Variants in DENND2B observed in about 807,000 individuals in gnomAD.
DENND2B encodes the protein DENN domain-containing protein 2B.
A neutral mutation model predicts 116.0 loss-of-function variants in DENND2B; 32 were observed. That is an observed-to-expected ratio of 0.28 (90% CI 0.21 to 0.37). The LOEUF is 0.37. Ranked by LOEUF, DENND2B falls within the 10% of genes least tolerant of loss-of-function variation. The probability of loss-of-function intolerance (pLI) is 1.00; values close to 1 mark genes in which losing one functional copy is unlikely to be tolerated. For synonymous variants in DENND2B, 588 were observed against 583.9 expected (o/e 1.01, Z -0.10); for missense variants, 1,276 against 1,477.7 (o/e 0.86, Z 2.24).
chr11:8,729,942 T>A lies in DENND2B; in HGVS notation c.1340+8A>T. 6.2e-7 allele frequency: 1 copy of A among 1,613,508 alleles called. No individual in the cohort carries two copies. Among genetic ancestry groups the A allele is most frequent in the Non-Finnish European group, 8.5e-7 (1 of 1,179,676 alleles). ...TCAGCTACAACACACCGGAGGGGCATGCATTACCTGCTCTGGGACTTGCGG... is the reference window on the plus strand; with the variant it reads ...TCAGCTACAACACACCGGAGGGGCAAGCATTACCTGCTCTGGGACTTGCGG... On this transcript the variant is annotated splice_region_variant and intron_variant, in intron 3 of 19. Coordinates refer to ENST00000313726, the MANE Select transcript of DENND2B (RefSeq NM_213618.2).
intron 1 of DENND2B, chr11:8,786,940 C>G (rs1393085891): frequency 6.6e-6 from 1 of 152,150 alleles, no homozygotes; most frequent in Non-Finnish European, 1.5e-5. Flanking sequence ...CCTCTCTTTA[C>G]CAGTTATCTA....
chr11:8,888,194 T>A (rs187388126), intron 1 of DENND2B, among the ~76,000 whole-genome samples: 1 of 152,198 alleles, frequency 6.6e-6, no homozygotes, highest in African/African-American at 2.4e-5. Flanking sequence ...CGGCTCTTAG[T>A]GTAGTGGACG....
intron 4 of DENND2B, among the ~76,000 whole-genome samples, chr11:8,821,430 T>A (rs376933749): frequency 2.0e-4 from 30 of 147,146 alleles, no homozygotes; most frequent in Middle Eastern, 7.0e-3. Context: ...CTACCAAAAA[T>A]AAAAAAAAAA....
At chr11:8,797,705 C>A (rs996992483) in intron 1 of DENND2B, among the ~76,000 whole-genome samples, 6 of 152,134 alleles carry the variant, frequency 3.9e-5, no homozygotes, top group African/African-American at 1.4e-4. Flanking sequence ...CCGCTTCAGC[C>A]TCCCAAAGTG....
At chr11:8,697,876 C>T in intron 16 of DENND2B, 1 of 552,702 alleles carries the variant, frequency 1.8e-6, no homozygotes, top group South Asian at 1.8e-5. Context: ...CGCCAGTAAT[C>T]CCAACACTTT....
intron 3 of DENND2B, among the ~76,000 whole-genome samples, chr11:8,840,925 T>C (rs2062601412): frequency 6.6e-6 from 1 of 152,226 alleles, no homozygotes; most frequent in South Asian, 2.1e-4. Context: ...TGCTTGTTGA[T>C]ACTGTTTTCA....
intron 4 of DENND2B, chr11:8,718,104 A>AC (rs1258754367): frequency 5.2e-4 from 31 of 59,620 alleles, no homozygotes; most frequent in Non-Finnish European, 6.8e-4. Flanking sequence ...CCACCCCCCC[A>AC]CCCCCCCCAA....
chr11:8,796,473 C>T (rs3862352), intron 1 of DENND2B, among the ~76,000 whole-genome samples: 45,213 of 152,060 alleles, frequency 0.3, 6,992 homozygotes, highest in Middle Eastern at 0.42. Context: ...AGGCAGGCAA[C>T]GGTTGCAGTG....
intron 6 of DENND2B, among the ~76,000 whole-genome samples, chr11:8,715,028 C>T (rs1008918189): frequency 6.6e-6 from 1 of 152,210 alleles, no homozygotes; most frequent in Non-Finnish European, 1.5e-5. Flanking sequence ...ATTGAACCAA[C>T]TGAGACAAAG....
chr11:8,757,229 C>T (rs1223912106), intron 1 of DENND2B: 1 of 379,930 alleles, frequency 2.6e-6, no homozygotes, highest in East Asian at 7.4e-5. Context: ...GCAATATGAC[C>T]TACCTCCCAT....
chr11:8,760,687 C>T (rs2054450775), intron 1 of DENND2B, among the ~76,000 whole-genome samples: 1 of 152,202 alleles, frequency 6.6e-6, no homozygotes, highest in South Asian at 2.1e-4. Flanking sequence ...CCATTCCCTA[C>T]AAAACAGTAA....
chr11:8,875,153 C>G (rs989819561), upstream of DENND2B, among the ~76,000 whole-genome samples: 20 of 151,904 alleles, frequency 1.3e-4, no homozygotes, highest in Admixed American at 7.9e-4. Context: ...GAAACCTCGT[C>G]TCTACTAAAG....
intron 3 of DENND2B, among the ~76,000 whole-genome samples, chr11:8,847,740 A>G (rs915858486): frequency 1.2e-4 from 18 of 152,196 alleles, no homozygotes; most frequent in Admixed American, 1.1e-3. Context: ...TAAGGTCCAT[A>G]CTAAATGAAC....
At chr11:8,715,504 C>G in intron 6 of DENND2B, 99 bp downstream of exon 6, 1 of 1,259,572 alleles carries the variant, frequency 7.9e-7, no homozygotes, top group Non-Finnish European at 1.1e-6. Flanking sequence ...AGGAAGCAGT[C>G]CAGATTAGGG....
intron 2 of DENND2B, among the ~76,000 whole-genome samples, chr11:8,859,158 G>A (rs942782658): frequency 5.9e-5 from 9 of 152,148 alleles, no homozygotes; most frequent in Non-Finnish European, 2.9e-5. Flanking sequence ...AAAATTTAGA[G>A]CTTGATGATG....
intron 2 of DENND2B, among the ~76,000 whole-genome samples, chr11:8,743,033 C>T (rs1338665503): frequency 6.6e-6 from 1 of 151,924 alleles, no homozygotes; most frequent in Non-Finnish European, 1.5e-5. Context: ...CATTGCGCTC[C>T]AGCCTGGGCA....
chr11:8,774,084 G>A lies in DENND2B; in HGVS notation c.-25-23359C>T. The A allele has an allele frequency of 9.2e-6, 9 of 982,950 alleles. No individual in the cohort carries two copies. The South Asian group carries it at 1.9e-4, about 21-fold the overall frequency. 60.9% of individuals were successfully genotyped at this position (982,950 alleles called of 1,614,324 possible). ...ACAGTTCCAACCACGAAGTGCTGTT[G>A]TACAGATTGAGTAAGATAGTGCATG... is the stretch of plus-strand genomic sequence containing the variant. On this transcript the variant is annotated intron_variant, in intron 1 of 19. Transcript: ENST00000313726.
chr11:8,809,775 T>C (rs2061221959), intron 1 of DENND2B: 1 of 152,204 alleles, frequency 6.6e-6, no homozygotes, highest in African/African-American at 2.4e-5. Context: ...TCCCCAGCTC[T>C]TAGCAGCTGC....
chr11:8,775,716 T>C (rs914869792), intron 1 of DENND2B, among the ~76,000 whole-genome samples: 2 of 152,194 alleles, frequency 1.3e-5, no homozygotes, highest in African/African-American at 4.8e-5. Flanking sequence ...GAGCCAAATA[T>C]AGCCAAATAT....
Sources: allele counts gnomAD v4.1 joint callset (sites outside exome capture counted in the v4.1 genomes callset), GRCh38; gene constraint gnomAD v4.1.1; transcripts MANE v1.5; gene names NCBI Gene and HGNC (gene_info 2026-07-23, HGNC 2026-07-21).